The following PDE1A variants were observed in gnomAD, a reference collection of about 807,000 sequenced individuals.
The protein encoded by PDE1A is dual specificity calcium/calmodulin-dependent 3',5'-cyclic nucleotide phosphodiesterase 1A.
Under a neutral mutation model 61.7 loss-of-function variants are expected in PDE1A, and 35 were observed. That is an observed-to-expected ratio of 0.57 (90% CI 0.43 to 0.75). The LOEUF (loss-of-function observed/expected upper bound fraction) is 0.75, where lower values mean the gene tolerates loss of function less well. Ranked by LOEUF, PDE1A falls within the 30% of genes least tolerant of loss-of-function variation. The probability of loss-of-function intolerance (pLI) is 0.00; values close to 1 mark genes in which losing one functional copy is unlikely to be tolerated. For synonymous variants in PDE1A, 232 were observed against 213.2 expected, an observed-to-expected ratio of 1.09 and a Z score of -0.77; for missense variants, 597 against 630.6, an observed-to-expected ratio of 0.95 and a Z score of 0.57.
At chr2:182,396,655 C>A (rs1378818178) in intron 1 of PDE1A, among the ~76,000 whole-genome samples, 1 of 152,110 alleles carries the variant, frequency 6.6e-6, no homozygotes, top group Non-Finnish European at 1.5e-5. Context: ...TTATTGACTT[C>A]ATGTCATTAT....
chr2:182,624,828 A>T, the PDE1A span, among the ~76,000 whole-genome samples: 1 of 152,174 alleles, frequency 6.6e-6, no homozygotes, highest in African/African-American at 2.4e-5. Flanking sequence ...TTGAGAAACA[A>T]TTCAAATTAG....
At chr2:182,362,334 G>A (rs1243529489) in intron 1 of PDE1A, among the ~76,000 whole-genome samples, 4 of 151,890 alleles carry the variant, frequency 2.6e-5, no homozygotes, top group Admixed American at 6.6e-5. Context: ...GTCAGCAGTA[G>A]CACGGGAAAA....
At chr2:182,574,726 C>G in the PDE1A span, among the ~76,000 whole-genome samples, 4 of 152,210 alleles carry the variant, frequency 2.6e-5, no homozygotes, top group South Asian at 8.3e-4. Context: ...GAGTCTCACT[C>G]TGTTGCCTAG....
the PDE1A span, among the ~76,000 whole-genome samples, chr2:182,705,432 A>C: frequency 6.6e-6 from 1 of 152,200 alleles, no homozygotes; most frequent in African/African-American, 2.4e-5. Flanking sequence ...AACCAAAGCC[A>C]TTGATGAAAA....
At chr2:182,519,848 A>C (rs1690455201) in intron 2 of PDE1A, among the ~76,000 whole-genome samples, 4 of 151,880 alleles carry the variant, frequency 2.6e-5, no homozygotes, top group African/African-American at 9.7e-5. Flanking sequence ...TTTTTATTTA[A>C]CCTTAAAATT....
chr2:182,482,984 T>C (rs1687796825), intron 2 of PDE1A, among the ~76,000 whole-genome samples: 2 of 151,600 alleles, frequency 1.3e-5, no homozygotes, highest in South Asian at 4.2e-4. Flanking sequence ...CAGGTGAAAA[T>C]AAAAGGATGG....
chr2:182,248,252 CAAAAAA>C (rs1197993496), intron 2 of PDE1A, among the ~76,000 whole-genome samples: 1 of 78,066 alleles, frequency 1.3e-5, no homozygotes, highest in Non-Finnish European at 2.7e-5. Context: ...GCAAGACTGT[CAAAAAA>C]AAAAAAAAAA....
At chr2:182,153,132 C>A (rs1356775321) in intron 13 of PDE1A, among the ~76,000 whole-genome samples, 4 of 152,026 alleles carry the variant, frequency 2.6e-5, no homozygotes, top group African/African-American at 4.8e-5. Flanking sequence ...TATGTATATT[C>A]ATCTGCAAAT....
Position 182,195,864 on chromosome 2 carries a change from C to T in PDE1A, c.1125+5575G>A, listed in dbSNP as rs559645403. Among the ~76,000 whole-genome samples the T allele has an allele frequency of 1.4e-4, 21 of 152,210 alleles. No individual in the cohort carries two copies. In the South Asian group the frequency reaches 3.9e-3, roughly 29 times the overall value. ...AAAATAAAACATACAAGAACCACTG[C>T]AGTCCTGCTAATTTCTAGGACATAT... On this transcript the variant is annotated intron_variant, in intron 10 of 13. Coordinates refer to ENST00000351439, the Ensembl canonical transcript of PDE1A.
At chr2:182,606,874 C>T in the PDE1A span, among the ~76,000 whole-genome samples, 1 of 152,138 alleles carries the variant, frequency 6.6e-6, no homozygotes, top group African/African-American at 2.4e-5. Flanking sequence ...ACCAAAATGC[C>T]AGGGGTTCAG....
chr2:182,554,484 A>C, the PDE1A span, among the ~76,000 whole-genome samples: 3 of 152,136 alleles, frequency 2.0e-5, no homozygotes, highest in African/African-American at 7.2e-5. Flanking sequence ...ACCAGGCTTG[A>C]TCATCTCCAG....
intron 7 of PDE1A, among the ~76,000 whole-genome samples, chr2:182,211,859 C>G (rs944551364): frequency 1.1e-4 from 16 of 152,134 alleles, no homozygotes; most frequent in African/African-American, 3.6e-4. Flanking sequence ...TTGTATTTTG[C>G]AACCCTGCTA....
At chr2:182,429,860 G>A (rs1703841707), upstream of PDE1A, among the ~76,000 whole-genome samples, 1 of 152,142 alleles carries the variant, frequency 6.6e-6, no homozygotes, top group Non-Finnish European at 1.5e-5. Context: ...AAGGTCATTT[G>A]ATATTATGCC....
At chr2:182,376,373 A>G (rs71427843) in intron 1 of PDE1A, among the ~76,000 whole-genome samples, 11,299 of 152,236 alleles carry the variant, frequency 0.074, 535 homozygotes, top group Non-Finnish European at 0.11. Context: ...ACAAAGTTCC[A>G]AAAAACTCTA....
chr2:182,160,537 A>T (rs956037893), intron 13 of PDE1A, among the ~76,000 whole-genome samples: 1 of 152,128 alleles, frequency 6.6e-6, no homozygotes, highest in African/African-American at 2.4e-5. Flanking sequence ...ACCAGACTCC[A>T]GGTTCTTTGA....
the PDE1A span, among the ~76,000 whole-genome samples, chr2:182,614,529 T>C: frequency 2.9e-3 from 443 of 151,736 alleles, 3 homozygotes; most frequent in African/African-American, 0.01. Context: ...CTTTATTACA[T>C]AATATTTAAA....
In PDE1A at chr2:182,332,213, T is replaced by C. The variant is rs972206308; in HGVS notation, c.54-67799A>G. Among the ~76,000 whole-genome samples the C allele has an allele frequency of 3.9e-5, 6 of 152,340 alleles. No individual in the cohort carries two copies. In the East Asian group the frequency reaches 1.2e-3, roughly 29 times the overall value. On this transcript the variant is annotated intron_variant, in intron 1 of 13. Coordinates refer to ENST00000351439, the Ensembl canonical transcript of PDE1A. The stretch of plus-strand genomic sequence containing the variant: ...TTTCAGCTCCATCAGGTCTTTTATG[T>C]TCTTCTCTAAACTAGTTATTCTACT...
intron 2 of PDE1A, among the ~76,000 whole-genome samples, chr2:182,515,888 T>C (rs1216797878): frequency 5.3e-5 from 8 of 152,006 alleles, no homozygotes; most frequent in Non-Finnish European, 4.4e-5. Flanking sequence ...AAAGAGTATC[T>C]GAATCCAATG....
At chr2:182,390,339 G>A (rs1471094875) in intron 1 of PDE1A, among the ~76,000 whole-genome samples, 2 of 152,108 alleles carry the variant, frequency 1.3e-5, no homozygotes, top group African/African-American at 4.8e-5. Flanking sequence ...ATAGTCTTTG[G>A]CATGAACTGT....
Sources: allele counts gnomAD v4.1 joint callset (sites outside exome capture counted in the v4.1 genomes callset), GRCh38; gene constraint gnomAD v4.1.1; transcripts MANE v1.5; gene names NCBI Gene and HGNC (gene_info 2026-07-23, HGNC 2026-07-21).